The following MYOM1 variants were observed in gnomAD, a reference collection of about 807,000 sequenced individuals.
MYOM1 encodes the protein myomesin-1.
MYOM1 carries 164 observed loss-of-function variants against 205.3 expected under a neutral mutation model. The ratio of observed to expected loss-of-function variants is 0.80; its 90% confidence interval spans 0.70 to 0.91. MYOM1 has a LOEUF of 0.91. MYOM1 is among the 40% of genes least tolerant of loss of function. The probability of loss-of-function intolerance (pLI) is 0.00; values close to 1 mark genes in which losing one functional copy is unlikely to be tolerated. For synonymous variants in MYOM1, 772 were observed against 789.4 expected, an observed-to-expected ratio of 0.98 and a Z score of 0.37; for missense variants, 2,011 against 2,127.3, an observed-to-expected ratio of 0.95 and a Z score of 1.08.
chr18:3,127,470 G>A (rs772833831), intron 18 of MYOM1, among the ~76,000 whole-genome samples: 3 of 151,222 alleles, frequency 2.0e-5, no homozygotes, highest in East Asian at 1.9e-4. Flanking sequence ...CACCATGCCC[G>A]GCTAATTTTT....
intron 25 of MYOM1, among the ~76,000 whole-genome samples, chr18:3,094,896 C>G (rs888964802): frequency 6.6e-6 from 1 of 152,042 alleles, no homozygotes; most frequent in Non-Finnish European, 1.5e-5. Context: ...CTCCTAACCT[C>G]AAGTGATCCT....
In MYOM1 at chr18:3,187,862, T is replaced by C. The variant is rs12606254; in HGVS notation, c.772-225A>G. On this transcript the variant is annotated intron_variant, in intron 4 of 37. Coordinates refer to ENST00000356443, the MANE Select transcript of MYOM1 (RefSeq NM_003803.4). The stretch of plus-strand genomic sequence containing the variant: ...AACATCTTTGATTTCTTTTTCTTTT[T>C]TTTTTTTTTTTTTTTGGCCCGGACT... Among the ~76,000 whole-genome samples the C allele has an allele frequency of 0.37, 52,959 of 142,720 alleles. 10,566 individuals carry two copies. Among genetic ancestry groups the C allele is most frequent in the East Asian group, 0.81 (4,084 of 5,032 alleles). 93.6% of individuals were successfully genotyped at this position (142,720 alleles called of 152,430 possible). A position where few individuals can be genotyped will look rare whatever the true frequency, so the allele number is the denominator to read the frequency against.
chr18:3,121,546 CAAT>C (rs2079691639), intron 19 of MYOM1, among the ~76,000 whole-genome samples: 2 of 152,094 alleles, frequency 1.3e-5, no homozygotes, highest in African/African-American at 4.8e-5. Flanking sequence ...ATCTATAAAA[CAAT>C]AATCACATTG....
At chr18:3,153,415 T>A (rs577235102) in intron 11 of MYOM1, among the ~76,000 whole-genome samples, 2 of 152,262 alleles carry the variant, frequency 1.3e-5, no homozygotes, top group Non-Finnish European at 2.9e-5. Context: ...ATGCGAAGTG[T>A]TTAGAACAGT....
At position 3,094,314 on chromosome 18, in the gene MYOM1, A is replaced by C. The variant is rs780560642; in HGVS notation, c.3728-8T>G. 6.2e-7 allele frequency: 1 copy of C among 1,606,734 alleles called. No homozygotes were observed. On this transcript the variant is annotated splice_polypyrimidine_tract_variant and splice_region_variant and intron_variant, in intron 25 of 37. Transcript: ENST00000356443. The stretch of plus-strand genomic sequence containing the variant: ...CTGATTTAACTGGGACAGCTATGAA[A>C]AGTAAAAATAAACACAGTAATTATA...
intron 5 of MYOM1, among the ~76,000 whole-genome samples, chr18:3,186,033 T>A (rs1489610319): frequency 6.6e-6 from 1 of 152,036 alleles, no homozygotes; most frequent in Non-Finnish European, 1.5e-5. Context: ...CCGTCTCTAC[T>A]GAAAATACAA....
At chr18:3,151,366 T>C (rs1487049640) in intron 12 of MYOM1, among the ~76,000 whole-genome samples, 2 of 151,756 alleles carry the variant, frequency 1.3e-5, no homozygotes, top group Non-Finnish European at 2.9e-5. Context: ...CTCCAGCCTC[T>C]TTGCTTTTAT....
the MYOM1 span, among the ~76,000 whole-genome samples, chr18:3,238,814 C>CTGCATTCCCTGGCTCCTGACCCCTTCT: frequency 6.9e-4 from 105 of 152,232 alleles, 2 homozygotes; most frequent in East Asian, 0.01. Flanking sequence ...TAGAGGCTTC[C>CTGCATTCCCTGGCTCCTGACCCCTTCT]TGCATTCCCT....
intron 22 of MYOM1, among the ~76,000 whole-genome samples, chr18:3,107,802 C>T (rs117461499): frequency 6.6e-6 from 1 of 152,162 alleles, no homozygotes; most frequent in African/African-American, 2.4e-5. Context: ...GCTAAGCTAA[C>T]TTTGGGAGAA....
chr18:3,135,486 A>G lies in MYOM1; in HGVS notation c.2209+61T>C. On this transcript the variant is annotated intron_variant, in intron 15 of 37. Transcript: ENST00000356443. This position sits in a 1 kb window ranked among gnomAD's most constrained non-coding sequence, Gnocchi z 4.1. ...CATTTTTACTCCTGGCCAAATATAC[A>G]TATACTAGATCCTTGCTTTGAAATT... 6.7e-7 allele frequency: 1 copy of G among 1,490,568 alleles called. No homozygotes were observed. Among genetic ancestry groups the G allele is most frequent in the Non-Finnish European group, 9.1e-7 (1 of 1,099,166 alleles). The allele number at this position is 1,490,568 out of a possible 1,614,324, so 92.3% of individuals were successfully genotyped here.
chr18:3,202,988 GA>G (rs1371329008), intron 2 of MYOM1, among the ~76,000 whole-genome samples: 1 of 151,490 alleles, frequency 6.6e-6, no homozygotes, highest in Non-Finnish European at 1.5e-5. Flanking sequence ...ATCTACAATA[GA>G]AAAAAATTTA....
At chr18:3,163,313 C>T (rs541205283) in intron 10 of MYOM1, among the ~76,000 whole-genome samples, 14 of 152,268 alleles carry the variant, frequency 9.2e-5, no homozygotes, top group Non-Finnish European at 1.6e-4. Flanking sequence ...GCATCTCCAC[C>T]GGAACAGTCA....
chr18:3,127,051 C>A (rs1022897329), intron 18 of MYOM1, among the ~76,000 whole-genome samples, 154 bp from the exon 19 acceptor site: 1 of 151,814 alleles, frequency 6.6e-6, no homozygotes, highest in Non-Finnish European at 1.5e-5. Context: ...TTGGTGAATG[C>A]AATGGACACA....
chr18:3,084,717 A>AT (rs1490776455), intron 31 of MYOM1, among the ~76,000 whole-genome samples: 6 of 152,150 alleles, frequency 3.9e-5, no homozygotes, highest in Non-Finnish European at 5.9e-5. Context: ...AGAGTGGACT[A>AT]TTTTTTGTCA....
upstream of MYOM1, among the ~76,000 whole-genome samples, chr18:3,221,345 A>G (rs1384821348): frequency 6.6e-6 from 1 of 152,180 alleles, no homozygotes; most frequent in East Asian, 1.9e-4. Flanking sequence ...AACAGACTCA[A>G]TATTATAGTA....
At chr18:3,136,228 A>G (rs1476393808) in intron 14 of MYOM1, among the ~76,000 whole-genome samples, 1 of 152,084 alleles carries the variant, frequency 6.6e-6, no homozygotes, top group Non-Finnish European at 1.5e-5. Flanking sequence ...CTTTTTCTTT[A>G]TAAATTACCC....
Position 3,082,377 on chromosome 18 carries a change from C to T in MYOM1, c.4484+1412G>A, listed in dbSNP as rs187820674. Among the ~76,000 whole-genome samples the T allele has an allele frequency of 1.2e-4, 19 of 152,272 alleles. No individual in the cohort carries two copies. In the East Asian group the frequency reaches 2.3e-3, roughly 19 times the overall value. On this transcript the variant is annotated intron_variant, in intron 33 of 37. Transcript: ENST00000356443. ...ACCTCTTAGCTGTGTGACCTTAGGC[C>T]GGTCACCTCCCCGAGCCCTAGCTCC... is the stretch of plus-strand genomic sequence containing the variant.
At chr18:3,129,177 G>C in intron 18 of MYOM1, 55 bp downstream of exon 18, 2 of 1,554,882 alleles carry the variant, frequency 1.3e-6, no homozygotes, top group Non-Finnish European at 1.7e-6. Flanking sequence ...TAGACGATGA[G>C]AGGTGAGGAC....
intron 22 of MYOM1, among the ~76,000 whole-genome samples, chr18:3,107,848 T>A (rs2079471834): frequency 6.6e-6 from 1 of 152,198 alleles, no homozygotes; most frequent in African/African-American, 2.4e-5. Context: ...GCAAGAATGA[T>A]AATAGTCCTC....
Sources: gnomAD v4.1 joint callset for allele counts (sites outside exome capture counted in the v4.1 genomes callset) on GRCh38, gnomAD v4.1.1 for gene constraint, Gnocchi (gnomAD v3.1) non-coding constraint, MANE v1.5 for transcripts, NCBI Gene and HGNC (gene_info 2026-07-23, HGNC 2026-07-21) for gene names.